ARHGAP26: variants seen among roughly 807,000 people sequenced by gnomAD.
ARHGAP26 encodes Rho GTPase activating protein 26.
ARHGAP26 carries 38 observed loss-of-function variants against 104.8 expected under a neutral mutation model. The ratio of observed to expected loss-of-function variants is 0.36; its 90% CI spans 0.28 to 0.48. ARHGAP26 has a LOEUF of 0.48. Ranked by LOEUF, ARHGAP26 falls within the 20% of genes least tolerant of loss-of-function variation. The pLI, the probability that ARHGAP26 is intolerant of heterozygous loss-of-function variation, is 0.99. For synonymous variants in ARHGAP26, 341 were observed against 340.0 expected (o/e 1.00, Z -0.03); for missense variants, 704 against 947.9 (o/e 0.74, Z 3.38).
chr5:142,944,928 G>A (rs1040846112), intron 11 of ARHGAP26, among the ~76,000 whole-genome samples: 2 of 151,946 alleles, frequency 1.3e-5, no homozygotes, highest in African/African-American at 4.8e-5. Context: ...TAGCAGCGCC[G>A]CCCCCTCCCC....
intron 1 of ARHGAP26, among the ~76,000 whole-genome samples, chr5:142,834,411 A>G (rs1769143548): frequency 6.6e-6 from 1 of 152,254 alleles, no homozygotes; most frequent in Non-Finnish European, 1.5e-5. Context: ...CATTTTGGAA[A>G]CTTATTTTAA....
chr5:142,814,335 G>C (rs1222537865), intron 1 of ARHGAP26, among the ~76,000 whole-genome samples: 4 of 152,218 alleles, frequency 2.6e-5, no homozygotes, highest in African/African-American at 9.7e-5. Flanking sequence ...GAGAGGTTTG[G>C]AATCTGTTGA....
At position 142,770,821 on chromosome 5, in the gene ARHGAP26, G is replaced by A. The variant is rs545725351; in HGVS notation, c.60G>A (p.Glu20=). The A allele has an allele frequency of 1.2e-6, 2 of 1,609,546 alleles. No individual in the cohort carries two copies. The highest frequency in any genetic ancestry group is 1.7e-5 in the Admixed American group (1 of 59,690). ...DCCLDSPHFR[E]TLKSHEAELD... is the part of the protein sequence containing the mutation. ...GCCTCGATAGTCCGCACTTCCGAGA[G>A]ACGCTCAAGTCGCACGAAGCAGAGC... Residue 20 remains glutamate (E), a synonymous_variant, in exon 1 of 23, where the codon GAG becomes GAA. Coordinates refer to ENST00000645722, the MANE Select transcript of ARHGAP26 (RefSeq NM_001135608.3).
At chr5:142,955,126 C>CACA (rs561605232) in intron 11 of ARHGAP26, among the ~76,000 whole-genome samples, 6,632 of 148,684 alleles carry the variant, frequency 0.045, 189 homozygotes, top group South Asian at 0.068. Flanking sequence ...ACACACACAC[C>CACA]CCCCATCTCT....
intron 20 of ARHGAP26, among the ~76,000 whole-genome samples, chr5:143,177,368 G>A (rs938360153): frequency 2.0e-5 from 3 of 152,168 alleles, no homozygotes; most frequent in Middle Eastern, 3.2e-3. Flanking sequence ...ATTTGGATCC[G>A]TGAAATGTAT....
At chr5:143,000,469 A>G (rs1182401784) in intron 11 of ARHGAP26, among the ~76,000 whole-genome samples, 1 of 152,262 alleles carries the variant, frequency 6.6e-6, no homozygotes, top group Non-Finnish European at 1.5e-5. Context: ...GGTTCACACC[A>G]CAACATGGAT....
intron 1 of ARHGAP26, among the ~76,000 whole-genome samples, chr5:142,872,969 A>T (rs1016295163): frequency 1.8e-4 from 27 of 152,096 alleles, no homozygotes; most frequent in East Asian, 9.6e-4. Context: ...TGTGAGTAGG[A>T]CCTAGGGGAA....
intron 1 of ARHGAP26, among the ~76,000 whole-genome samples, chr5:142,845,988 T>C (rs1186289430): frequency 6.6e-6 from 1 of 152,200 alleles, no homozygotes; most frequent in Non-Finnish European, 1.5e-5. Context: ...GTGAGACCAA[T>C]CACGTTTTGA....
intron 17 of ARHGAP26, among the ~76,000 whole-genome samples, chr5:143,119,292 G>C (rs147708573): frequency 1.0e-3 from 152 of 152,290 alleles, no homozygotes; most frequent in African/African-American, 3.5e-3. Flanking sequence ...AAAATAGCTT[G>C]TTGATTCACT....
At chr5:143,046,100 C>T (rs1446241786) in intron 14 of ARHGAP26, among the ~76,000 whole-genome samples, 1 of 152,078 alleles carries the variant, frequency 6.6e-6, no homozygotes, top group Non-Finnish European at 1.5e-5. Context: ...CGTCATTGCA[C>T]TCCAGCCTGG....
Position 143,194,789 on chromosome 5 carries a change from A to G in ARHGAP26, c.1989-12409A>G, listed in dbSNP as rs141631142. ...AAATCATTTAAAGTTTTTTCCAGTC[A>G]AGTCAATAAGCTCCTCAGAACCAAA... On this transcript the variant is annotated intron_variant, in intron 20 of 22. Transcript: ENST00000645722. Among the ~76,000 whole-genome samples the G allele has an allele frequency of 5.5e-3, 834 of 152,326 alleles. 11 individuals are homozygous for G. Among genetic ancestry groups the G allele is most frequent in the African/African-American group, 0.019 (791 of 41,568 alleles).
chr5:143,045,709 T>C (rs980338388), intron 14 of ARHGAP26, among the ~76,000 whole-genome samples: 8 of 152,162 alleles, frequency 5.3e-5, no homozygotes, highest in African/African-American at 1.4e-4. Context: ...TTATGGAAAA[T>C]ATGGCTGGTC....
intron 22 of ARHGAP26, among the ~76,000 whole-genome samples, chr5:143,221,923 T>TGGAAGGAAGGAAGGAAGGAAGGAA (rs35244313): frequency 3.3e-5 from 5 of 150,200 alleles, no homozygotes; most frequent in African/African-American, 1.2e-4. Context: ...GGTGGATGGA[T>TGGAAGGAAGGAAGGAAGGAAGGAA]GGAAGGAAGG....
At chr5:142,891,327 G>T (rs1481924825) in intron 5 of ARHGAP26, among the ~76,000 whole-genome samples, 1 of 151,928 alleles carries the variant, frequency 6.6e-6, no homozygotes, top group African/African-American at 2.4e-5. Flanking sequence ...AATGCCCCCA[G>T]TCTTAGCCTT....
rs35267021 is a variant in ARHGAP26, at chr5:142,980,352, C to CTTTATTTTATTTTATTTTATTTTAT, written c.1108-33699_1108-33675dup. On this transcript the variant is annotated intron_variant, in intron 11 of 22. Transcript: ENST00000645722. ...TATTGTGCATAAAGCCTCTAGGAAC[C>CTTTATTTTATTTTATTTTATTTTAT]TTTATTTTATTTTATTTTATTTTAT... Among the ~76,000 whole-genome samples the CTTTATTTTATTTTATTTTATTTTAT allele has an allele frequency of 5.7e-3, 755 of 131,528 alleles. 9 individuals are homozygous for CTTTATTTTATTTTATTTTATTTTAT. The highest frequency in any genetic ancestry group is 7.0e-3 in the Non-Finnish European group (438 of 62,476). 86.3% of individuals were successfully genotyped at this position (131,528 alleles called of 152,430 possible). A position where few individuals can be genotyped will look rare whatever the true frequency, so the allele number is the denominator to read the frequency against.
At chr5:142,923,700 A>G (rs1598261461) in intron 10 of ARHGAP26, among the ~76,000 whole-genome samples, 1 of 152,212 alleles carries the variant, frequency 6.6e-6, no homozygotes, top group South Asian at 2.1e-4. Context: ...TCAGTCTCTC[A>G]TAAAAATGTA....
At chr5:142,830,092 T>C (rs2152114411) in intron 1 of ARHGAP26, among the ~76,000 whole-genome samples, 1 of 152,338 alleles carries the variant, frequency 6.6e-6, no homozygotes, top group Admixed American at 6.5e-5. Flanking sequence ...GTCATTTCCC[T>C]AGAATGTTGG....
At chr5:143,210,833 A>G (rs1809346411) in intron 21 of ARHGAP26, among the ~76,000 whole-genome samples, 1 of 152,196 alleles carries the variant, frequency 6.6e-6, no homozygotes, top group Admixed American at 6.5e-5. Flanking sequence ...TTAAAAGGGA[A>G]CTAGCAGGAG....
chr5:143,002,328 A>G (rs984578050), intron 11 of ARHGAP26, among the ~76,000 whole-genome samples: 1 of 140,582 alleles, frequency 7.1e-6, no homozygotes, highest in African/African-American at 2.6e-5. Context: ...CAAAAGAGCA[A>G]GGTTCTCTCT....
Sources: allele counts gnomAD v4.1 joint callset (sites outside exome capture counted in the v4.1 genomes callset), GRCh38; gene constraint gnomAD v4.1.1; transcripts MANE v1.5; gene names NCBI Gene and HGNC (gene_info 2026-07-23, HGNC 2026-07-21).